The following SVOP variants were observed in gnomAD, a reference collection of about 807,000 sequenced individuals.
The protein encoded by SVOP is synaptic vesicle 2-related protein.
Under a neutral mutation model 69.1 loss-of-function variants are expected in SVOP, and 17 were observed. The observed-to-expected ratio is 0.25, with a 90% confidence interval of 0.17 to 0.37. The LOEUF is 0.37. Ranked by LOEUF, SVOP falls within the 10% of genes least tolerant of loss-of-function variation. The pLI is 1.00. For synonymous variants in SVOP, 238 were observed against 238.6 expected, an observed-to-expected ratio of 1.00 and a Z score of 0.02; for missense variants, 435 against 597.5, an observed-to-expected ratio of 0.73 and a Z score of 2.84.
chr12:108,920,314 T>C (rs1409633357), intron 12 of SVOP, among the ~76,000 whole-genome samples: 2 of 152,172 alleles, frequency 1.3e-5, no homozygotes, highest in Non-Finnish European at 2.9e-5. Flanking sequence ...ATTTTTGGGA[T>C]GATTTGTTAC....
intron 6 of SVOP, among the ~76,000 whole-genome samples, chr12:108,960,664 A>T (rs1429135756): frequency 3.3e-5 from 5 of 152,206 alleles, no homozygotes; most frequent in Admixed American, 3.3e-4. Flanking sequence ...TGGAACAGTC[A>T]ATCAATGCTA....
At chr12:108,975,850 G>A (rs746562931) in intron 4 of SVOP, among the ~76,000 whole-genome samples, 24 of 151,916 alleles carry the variant, frequency 1.6e-4, no homozygotes, top group Non-Finnish European at 3.1e-4. Context: ...TACAGGACGC[G>A]CCACCATGCC....
chr12:108,925,542 C>A (rs576304447), intron 11 of SVOP, among the ~76,000 whole-genome samples: 1 of 152,310 alleles, frequency 6.6e-6, no homozygotes, highest in East Asian at 1.9e-4. Context: ...ACTGTTATTC[C>A]TCTGCCTAAA....
rs778597321 is a variant in SVOP, at chr12:108,995,339, CAT to C, written c.36-11580_36-11579del. Among the ~76,000 whole-genome samples the C allele has an allele frequency of 7.2e-4, 109 of 152,188 alleles. 1 individual carries two copies. The highest frequency in any genetic ancestry group is 6.8e-3 in the Middle Eastern group (2 of 294). ...CTTAAAAAGAAAGGAAATTGTGACA[CAT>C]GTTACAACATGGATGAACCTTGAAG... On this transcript the variant is annotated intron_variant, in intron 1 of 15. Transcript: ENST00000610966.
At position 108,972,483 on chromosome 12, in the gene SVOP, G is replaced by T. The variant is rs1256676031; in HGVS notation, c.382-7C>A. ...TCATGCCTACAAAGACCACCTGTGG[G>T]GGGAAAGACAGTTGTCATTAGACAG... is the stretch of plus-strand genomic sequence containing the variant. On this transcript the variant is annotated splice_region_variant and splice_polypyrimidine_tract_variant and intron_variant, in intron 4 of 15. Coordinates refer to ENST00000610966, the MANE Select transcript of SVOP (RefSeq NM_018711.5). The T allele has an allele frequency of 6.5e-7, 1 of 1,537,172 alleles. No homozygotes were observed. The highest frequency in any genetic ancestry group is 1.4e-5 in the African/African-American group (1 of 73,150).
chr12:108,927,007 T>G (rs1226565868), intron 11 of SVOP, among the ~76,000 whole-genome samples: 1 of 152,224 alleles, frequency 6.6e-6, no homozygotes, highest in Non-Finnish European at 1.5e-5. Context: ...GAAGATAAAA[T>G]GTCTCTCTCC....
Position 108,912,585 on chromosome 12 carries a change from C to T in SVOP, c.1597G>A (p.Gly533Arg), listed in dbSNP as rs1170390507. ...REWGQEMVGR[G>R]MHGAGVTRSN... ...CTGGTAACACCTGCACCGTGCATTC[C>T]TCGGCCGACCATCTCCTGGCCCCAC... Residue 533 changes from glycine to arginine, a missense_variant, in exon 16 of 16, where the codon GGA becomes AGA. By Grantham distance (125) the Gly-to-Arg change is moderately radical. Coordinates refer to ENST00000610966, the MANE Select transcript of SVOP (RefSeq NM_018711.5). 7.4e-6 allele frequency: 12 copies of T among 1,613,872 alleles called. No homozygotes were observed. Among genetic ancestry groups the T allele is most frequent in the Non-Finnish European group, 1.0e-5 (12 of 1,179,814 alleles).
At chr12:108,948,044 G>A (rs1243706940) in intron 6 of SVOP, among the ~76,000 whole-genome samples, 2 of 152,046 alleles carry the variant, frequency 1.3e-5, no homozygotes, top group East Asian at 3.9e-4. Context: ...AGGTACCTAG[G>A]AGTTATGCCC....
chr12:108,929,858 A>G (rs7138489), intron 11 of SVOP, among the ~76,000 whole-genome samples: 67,493 of 152,124 alleles, frequency 0.44, 18,109 homozygotes, highest in East Asian at 0.64. Flanking sequence ...TGACACATAG[A>G]CCAGTACCTG....
At chr12:108,948,166 C>T (rs916523883) in intron 6 of SVOP, among the ~76,000 whole-genome samples, 2 of 152,170 alleles carry the variant, frequency 1.3e-5, no homozygotes, top group African/African-American at 4.8e-5. Context: ...ACTCCCTTAG[C>T]TCCCTGTGTG....
Position 108,909,699 on chromosome 12 carries a change from A to G in SVOP, c.*2836T>C, listed in dbSNP as rs1215748312. On this transcript the variant is annotated 3_prime_UTR_variant, in exon 16 of 16. Transcript: ENST00000610966. Reference sequence around the variant, plus strand: ...AGAATACTTGAAGTACGAGAAAAACAGAAATATATAGCTCTGGCTACATTA... The same window carrying G: ...AGAATACTTGAAGTACGAGAAAAACGGAAATATATAGCTCTGGCTACATTA... The G allele has an allele frequency of 6.6e-6, 1 of 152,248 alleles. No homozygotes were observed. Among genetic ancestry groups the G allele is most frequent in the Non-Finnish European group, 1.5e-5 (1 of 68,048 alleles). 9.4% of individuals were successfully genotyped at this position (152,248 alleles called of 1,614,324 possible). A position where few individuals can be genotyped will look rare whatever the true frequency, so the allele number is the denominator to read the frequency against.
chr12:108,943,599 C>CA (rs375255134), intron 7 of SVOP, among the ~76,000 whole-genome samples: 202 of 136,050 alleles, frequency 1.5e-3, no homozygotes, highest in Non-Finnish European at 2.7e-3. Context: ...CTCTGTCTCA[C>CA]AAAAAAAAAA....
intron 12 of SVOP, among the ~76,000 whole-genome samples, chr12:108,921,548 T>A (rs895932234): frequency 6.6e-6 from 1 of 152,110 alleles, no homozygotes; most frequent in Non-Finnish European, 1.5e-5. Context: ...ACTGGGGGAC[T>A]CAAAAGCCAG....
chr12:108,917,463 C>G (rs900160714), intron 14 of SVOP, among the ~76,000 whole-genome samples: 2 of 152,142 alleles, frequency 1.3e-5, no homozygotes, highest in African/African-American at 4.8e-5. Flanking sequence ...CCTCATAGGG[C>G]CCTACTATCA....
At position 108,910,395 on chromosome 12, in the gene SVOP, A is replaced by G. The variant is rs1448250012; in HGVS notation, c.*2140T>C. 7 of 152,244 alleles carry G rather than the reference A, an allele frequency of 4.6e-5. No individual in the cohort carries two copies. The highest frequency in any genetic ancestry group is 1.0e-4 in the Non-Finnish European group (7 of 68,120). 9.4% of individuals were successfully genotyped at this position (152,244 alleles called of 1,614,324 possible). On this transcript the variant is annotated 3_prime_UTR_variant, in exon 16 of 16. Transcript: ENST00000610966. ...GCCCCCAGCTCCACTGGGTTATTCTAGGGTGAGGGAGCGGACATGATCATC... is the reference window on the plus strand; with the variant it reads ...GCCCCCAGCTCCACTGGGTTATTCTGGGGTGAGGGAGCGGACATGATCATC...
At chr12:109,003,151 C>T (rs1331530469) in intron 1 of SVOP, among the ~76,000 whole-genome samples, 1 of 152,070 alleles carries the variant, frequency 6.6e-6, no homozygotes, top group Non-Finnish European at 1.5e-5. Context: ...TATGCTTAGA[C>T]AATCATAGAC....
At chr12:108,924,167 T>C (rs1220983145) in intron 11 of SVOP, among the ~76,000 whole-genome samples, 1 of 152,172 alleles carries the variant, frequency 6.6e-6, no homozygotes, top group Non-Finnish European at 1.5e-5. Flanking sequence ...CACAAGAAGA[T>C]GCTGTCTATA....
chr12:109,003,753 G>A (rs962910064), intron 1 of SVOP, among the ~76,000 whole-genome samples: 4 of 152,150 alleles, frequency 2.6e-5, no homozygotes, highest in African/African-American at 4.8e-5. Flanking sequence ...GACTGCAGGC[G>A]TTTGCCACCG....
At chr12:108,986,430 G>T (rs1015802816) in intron 1 of SVOP, among the ~76,000 whole-genome samples, 3 of 152,124 alleles carry the variant, frequency 2.0e-5, no homozygotes, top group African/African-American at 7.2e-5. Flanking sequence ...ATTTTATTTT[G>T]AGATATTTCA....
Sources: allele counts gnomAD v4.1 joint callset (sites outside exome capture counted in the v4.1 genomes callset), GRCh38; gene constraint gnomAD v4.1.1; transcripts MANE v1.5; gene names NCBI Gene and HGNC (gene_info 2026-07-23, HGNC 2026-07-21).